SAAL1: variants seen among roughly 807,000 people sequenced by gnomAD.
SAAL1 encodes the protein serum amyloid A like 1, also known as protein SAAL1.
SAAL1 carries 42 observed loss-of-function variants against 59.8 expected under a neutral mutation model. The observed-to-expected ratio is 0.70, with a 90% CI of 0.55 to 0.91. SAAL1 has a LOEUF of 0.91. Ranked by LOEUF, SAAL1 falls within the 40% of genes least tolerant of loss-of-function variation. SAAL1 has a pLI of 0.00. For missense variants in SAAL1, 542 were observed against 561.1 expected, an observed-to-expected ratio of 0.97 and a Z score of 0.34; for synonymous variants, 191 against 194.3, an observed-to-expected ratio of 0.98 and a Z score of 0.14.
intron 6 of SAAL1, 107 bp downstream of exon 6, chr11:18,090,068 C>T (rs1226600774): frequency 3.6e-5 from 37 of 1,038,600 alleles, no homozygotes; most frequent in Non-Finnish European, 5.1e-5. Context: ...CATTACCTTG[C>T]ACTCAAGGCT....
At chr11:18,105,157 T>C (rs548567451) in intron 1 of SAAL1, among the ~76,000 whole-genome samples, 2 of 151,920 alleles carry the variant, frequency 1.3e-5, no homozygotes, top group South Asian at 2.1e-4. Context: ...CTGCAGCTAG[T>C]GGGTAAGGAA....
At chr11:18,087,299 TA>T (rs1848474349) in intron 7 of SAAL1, 74 bp from the exon 8 acceptor site, 2 of 898,490 alleles carry the variant, frequency 2.2e-6, no homozygotes, top group Non-Finnish European at 1.8e-6. Context: ...CTCCATTCAA[TA>T]AATATTTATT....
At chr11:18,101,248 CT>C (rs1268458702) in intron 2 of SAAL1, among the ~76,000 whole-genome samples, 1 of 151,502 alleles carries the variant, frequency 6.6e-6, no homozygotes, top group Non-Finnish European at 1.5e-5. Context: ...AAGCATACAC[CT>C]ACCGTATGAT....
chr11:18,092,391 T>G, intron 3 of SAAL1, 67 bp from the exon 4 acceptor site: 1 of 1,081,630 alleles, frequency 9.2e-7, no homozygotes, highest in South Asian at 1.3e-5. Context: ...AATATCAACT[T>G]GAACAAAAAC....
rs1284944582 is a variant in SAAL1, at chr11:18,081,692, G to A, written c.1240-189C>T. On this transcript the variant is annotated intron_variant, in intron 10 of 11. Coordinates refer to ENST00000524803, the MANE Select transcript of SAAL1 (RefSeq NM_138421.3). ...GTTCTCCACTGTCGTCTTTACTTTA[G>A]TGAAGGGCACCACCATCCACCCTGC... The A allele has an allele frequency of 1.0e-5, 6 of 575,446 alleles. No homozygotes were observed. The African/African-American group carries it at 1.1e-4, about 11-fold the overall frequency. The allele number at this position is 575,446 out of a possible 1,614,324, so 35.6% of individuals were successfully genotyped here. A position where few individuals can be genotyped will look rare whatever the true frequency, so the allele number is the denominator to read the frequency against.
In SAAL1 at chr11:18,090,441, T is replaced by C. The variant is rs754799641; in HGVS notation, c.466A>G (p.Thr156Ala). The change falls in exon 5 of 12, where the codon ACA becomes GCA. Residue 156 changes from threonine (T) to alanine (A), a missense_variant. Coordinates refer to ENST00000524803, the MANE Select transcript of SAAL1 (RefSeq NM_138421.3). Reference protein sequence around the residue: ...YDSDPPTLLETSRLLLTCLSQ... With the variant: ...YDSDPPTLLEASRLLLTCLSQ... ...ATAAAAGGAAAAGCATACCTGCTTG[T>C]TTCCAGCAGAGTAGGTGGGTCTGAA... 3 of 1,607,922 alleles carry C rather than the reference T, an allele frequency of 1.9e-6. No individual in the cohort carries two copies. Among genetic ancestry groups the C allele is most frequent in the Non-Finnish European group, 2.5e-6 (3 of 1,178,576 alleles).
At chr11:18,103,407 C>T in intron 1 of SAAL1, 61 bp from the exon 2 acceptor site, 1 of 1,180,318 alleles carries the variant, frequency 8.5e-7, no homozygotes. Context: ...AACCAGGTAC[C>T]CAAATACAGC....
intron 2 of SAAL1, among the ~76,000 whole-genome samples, chr11:18,101,845 T>C (rs1457223362): frequency 7.1e-6 from 1 of 141,004 alleles, no homozygotes; most frequent in African/African-American, 2.5e-5. Flanking sequence ...AAGCCACTGA[T>C]ATACACAACA....
intron 1 of SAAL1, among the ~76,000 whole-genome samples, chr11:18,104,196 G>C (rs903322037): frequency 2.2e-4 from 33 of 152,204 alleles, no homozygotes; most frequent in African/African-American, 7.7e-4. Context: ...CAGTAATTTT[G>C]CTTACAGTCA....
chr11:18,103,816 T>C (rs2134067236), intron 1 of SAAL1, among the ~76,000 whole-genome samples: 1 of 152,202 alleles, frequency 6.6e-6, no homozygotes, highest in East Asian at 1.9e-4. Flanking sequence ...ACAATAATTA[T>C]GTGGTAGGAA....
Position 18,105,893 on chromosome 11 carries a change from G to A in SAAL1, c.135+14C>T. The A allele has an allele frequency of 6.3e-7, 1 of 1,584,118 alleles. No individual in the cohort carries two copies. Among genetic ancestry groups the A allele is most frequent in the Non-Finnish European group, 8.6e-7 (1 of 1,166,956 alleles). ...GATGTAGGGACACCCCACGCGTGGC[G>A]CGAGTTTCCACACCTGGATGAGTCC... On this transcript the variant is annotated intron_variant, in intron 1 of 11. Transcript: ENST00000524803.
chr11:18,089,436 C>A lies in SAAL1; in HGVS notation c.664G>T (p.Val222Phe), dbSNP rs770127932. ...AGAGGCTGAGCAGCCCCATTTCTGA[C>A]CCATTCTAACATTAGTTTCTCATCC... ...DLDEKLMLEW[V>F]RNGAAQPLDQ... The change falls in exon 7 of 12, where the codon GTC becomes TTC. Residue 222 changes from valine (V) to phenylalanine (F), a missense_variant. Val to Phe is a conservative substitution (Grantham distance 50). Transcript: ENST00000524803. 61 of 1,612,632 alleles carry A rather than the reference C, an allele frequency of 3.8e-5. No homozygotes were observed. Among genetic ancestry groups the A allele is most frequent in the Admixed American group, 3.0e-4 (18 of 59,660 alleles).
intron 2 of SAAL1, among the ~76,000 whole-genome samples, chr11:18,099,268 C>G (rs570808940): frequency 6.6e-6 from 1 of 152,286 alleles, no homozygotes; most frequent in East Asian, 1.9e-4. Flanking sequence ...CAGGCAAGTA[C>G]CCAGCGAGAC....
At chr11:18,103,753 A>G (rs984661114) in intron 1 of SAAL1, among the ~76,000 whole-genome samples, 4 of 152,228 alleles carry the variant, frequency 2.6e-5, no homozygotes, top group Non-Finnish European at 5.9e-5. Flanking sequence ...GATGAATACA[A>G]ATTATTATAA....
At chr11:18,090,404 C>T (rs764244692) in intron 5 of SAAL1, 30 bp downstream of exon 5, 1 of 1,597,030 alleles carries the variant, frequency 6.3e-7, no homozygotes, top group East Asian at 2.2e-5. Flanking sequence ...TATGAGTAAC[C>T]TTATAGAATT....
intron 4 of SAAL1, among the ~76,000 whole-genome samples, chr11:18,091,755 G>C (rs566520051): frequency 6.6e-6 from 1 of 152,298 alleles, no homozygotes; most frequent in African/African-American, 2.4e-5. Flanking sequence ...TTTACACATG[G>C]AGAAGAGAAC....
chr11:18,087,598 T>C lies in SAAL1; in HGVS notation c.771-373A>G, dbSNP rs935402473. Among the ~76,000 whole-genome samples the C allele has an allele frequency of 3.3e-5, 5 of 152,368 alleles. No homozygotes were observed. The East Asian group carries it at 9.6e-4, about 29-fold the overall frequency. On this transcript the variant is annotated intron_variant, in intron 7 of 11. Transcript: ENST00000524803. ...TTATAGTATGAACGTTAAGGTCCGC[T>C]GCATCACGCATCAACAATAATGATG...
At chr11:18,088,949 A>G (rs1054517480) in intron 7 of SAAL1, among the ~76,000 whole-genome samples, 1 of 152,242 alleles carries the variant, frequency 6.6e-6, no homozygotes, top group African/African-American at 2.4e-5. Flanking sequence ...GAGTCCCAAC[A>G]TCGGTCACTT....
chr11:18,087,288 C>A (rs1416727264), intron 7 of SAAL1, 63 bp from the exon 8 acceptor site: 6 of 982,220 alleles, frequency 6.1e-6, no homozygotes, highest in Non-Finnish European at 9.6e-6. Flanking sequence ...TCCAATCATT[C>A]CTCCATTCAA....
Sources: gnomAD v4.1 joint callset for allele counts (sites outside exome capture counted in the v4.1 genomes callset) on GRCh38, gnomAD v4.1.1 for gene constraint, MANE v1.5 for transcripts, NCBI Gene and HGNC (gene_info 2026-07-23, HGNC 2026-07-21) for gene names.